Variants in KAZN observed in about 807,000 individuals in gnomAD.
KAZN encodes the protein kazrin, periplakin interacting protein, also known as kazrin.
In KAZN, 40 loss-of-function variants were observed where a neutral mutation model predicts 87.4. The ratio of observed to expected loss-of-function variants is 0.46; its 90% confidence interval spans 0.36 to 0.60. The LOEUF is 0.60. KAZN is among the 20% of genes least tolerant of loss of function. The pLI, the probability that KAZN is intolerant of heterozygous loss-of-function variation, is 0.00. For synonymous variants in KAZN, 466 were observed against 458.3 expected (o/e 1.02, Z -0.22); for missense variants, 898 against 1,073.9 (o/e 0.84, Z 2.29).
intron 2 of KAZN, among the ~76,000 whole-genome samples, chr1:14,352,042 C>A (rs1213484566): frequency 6.6e-6 from 1 of 152,192 alleles, no homozygotes; most frequent in Non-Finnish European, 1.5e-5. Flanking sequence ...TAGCATTTTA[C>A]AAACACGTGT....
chr1:14,155,582 T>C (rs1557520955), intron 1 of KAZN, among the ~76,000 whole-genome samples: 1 of 152,206 alleles, frequency 6.6e-6, no homozygotes. Flanking sequence ...TGGGGTTTGG[T>C]TTGCTCTTCC....
At chr1:14,432,029 A>G (rs1057221416) in intron 2 of KAZN, among the ~76,000 whole-genome samples, 3 of 152,134 alleles carry the variant, frequency 2.0e-5, no homozygotes, top group Non-Finnish European at 2.9e-5. Context: ...GGAACCAAAC[A>G]TGGTGTGAAG....
intron 2 of KAZN, among the ~76,000 whole-genome samples, chr1:14,472,644 C>CTTT (rs796277890): frequency 1.4e-5 from 2 of 140,756 alleles, no homozygotes; most frequent in Admixed American, 1.4e-4. Context: ...AAAGAAGCTT[C>CTTT]TTTTTTTTTT....
intron 1 of KAZN, among the ~76,000 whole-genome samples, chr1:14,952,344 G>C (rs1286117050): frequency 6.6e-6 from 1 of 151,786 alleles, no homozygotes; most frequent in Non-Finnish European, 1.5e-5. Context: ...CCACCAAGAT[G>C]GATGGGGTTT....
chr1:14,198,072 T>C (rs1015987612), intron 2 of KAZN, among the ~76,000 whole-genome samples: 5 of 152,154 alleles, frequency 3.3e-5, no homozygotes, highest in African/African-American at 1.2e-4. Flanking sequence ...AACTTACACA[T>C]TGAAATATCA....
chr1:14,902,172 T>C (rs1371173654), intron 1 of KAZN, among the ~76,000 whole-genome samples: 1 of 151,978 alleles, frequency 6.6e-6, no homozygotes, highest in Non-Finnish European at 1.5e-5. Context: ...ATTTAAGACA[T>C]GCTTTGATGG....
At chr1:14,286,699 T>A (rs1192104638) in intron 2 of KAZN, among the ~76,000 whole-genome samples, 1 of 152,170 alleles carries the variant, frequency 6.6e-6, no homozygotes, top group Admixed American at 6.5e-5. Flanking sequence ...TTTGTAGACA[T>A]ACCCAGGTCC....
At chr1:14,903,360 A>G (rs1476858236) in intron 1 of KAZN, among the ~76,000 whole-genome samples, 1 of 152,234 alleles carries the variant, frequency 6.6e-6, no homozygotes, top group Non-Finnish European at 1.5e-5. Context: ...AGCCTCAGCC[A>G]CAAGTGCCAA....
At chr1:14,618,860 A>G (rs929332283) in intron 1 of KAZN, among the ~76,000 whole-genome samples, 1 of 152,244 alleles carries the variant, frequency 6.6e-6, no homozygotes, top group African/African-American at 2.4e-5. Flanking sequence ...AGGAAAGGTG[A>G]GGGGTTCCCT....
At chr1:14,278,547 C>T (rs1652581995) in intron 2 of KAZN, among the ~76,000 whole-genome samples, 1 of 152,078 alleles carries the variant, frequency 6.6e-6, no homozygotes, top group Non-Finnish European at 1.5e-5. Flanking sequence ...GCCTCAGCCT[C>T]CCAAAGTGCT....
intron 1 of KAZN, among the ~76,000 whole-genome samples, chr1:14,117,500 G>A (rs1463585003): frequency 6.6e-6 from 1 of 151,988 alleles, no homozygotes; most frequent in Non-Finnish European, 1.5e-5. Flanking sequence ...TTTCTTCCTG[G>A]TCTCAAGTAT....
intron 2 of KAZN, among the ~76,000 whole-genome samples, chr1:14,980,405 G>A (rs1176019159): frequency 6.6e-6 from 1 of 152,166 alleles, no homozygotes; most frequent in African/African-American, 2.4e-5. Flanking sequence ...GCAGGCAGGT[G>A]TGTCAGGCAG....
rs1641562062 is a variant in KAZN, at chr1:14,695,654, C to T, written c.226+96431C>T. 2.0e-5 allele frequency among the ~76,000 whole-genome samples: 3 copies of T among 151,730 alleles called. No individual in the cohort carries two copies. In the South Asian group the frequency reaches 6.3e-4, roughly 32 times the overall value. On this transcript the variant is annotated intron_variant, in intron 1 of 14. Transcript: ENST00000376030. ...TCGAGTAGCTGGGATTACAGGTGTG[C>T]ACCACCATGCCTAGCTAATTTTTGT...
intron 1 of KAZN, among the ~76,000 whole-genome samples, chr1:14,123,608 A>T (rs980739062): frequency 6.6e-6 from 1 of 152,234 alleles, no homozygotes; most frequent in African/African-American, 2.4e-5. Flanking sequence ...CTCATTATGA[A>T]ATAAATAGGC....
intron 1 of KAZN, among the ~76,000 whole-genome samples, chr1:14,821,781 C>T (rs1033412186): frequency 3.3e-5 from 5 of 152,154 alleles, no homozygotes; most frequent in African/African-American, 7.2e-5. Context: ...GCCCCCCAGT[C>T]AACCCTGGAA....
At chr1:14,299,178 G>C (rs917183408) in intron 2 of KAZN, among the ~76,000 whole-genome samples, 2 of 152,162 alleles carry the variant, frequency 1.3e-5, no homozygotes, top group Non-Finnish European at 2.9e-5. Context: ...ACAACCTGGT[G>C]GGGGAAACAG....
At chr1:14,657,077 C>CTTTTT (rs35046893) in intron 1 of KAZN, among the ~76,000 whole-genome samples, 6 of 83,354 alleles carry the variant, frequency 7.2e-5, no homozygotes, top group South Asian at 9.5e-4. Flanking sequence ...AAGAGAGAGG[C>CTTTTT]TTTTTTTTTT....
chr1:14,205,884 CAAAAAAAAAA>C (rs70997121), intron 2 of KAZN, among the ~76,000 whole-genome samples: 1 of 35,220 alleles, frequency 2.8e-5, no homozygotes, highest in Non-Finnish European at 4.4e-5. Flanking sequence ...GACACTGTCT[CAAAAAAAAAA>C]AAAAAAAAAA....
At chr1:14,858,214 C>CTTTTTTCTTTTTCTTTTTTTTTTTT (rs1650388976) in intron 1 of KAZN, among the ~76,000 whole-genome samples, 1 of 117,030 alleles carries the variant, frequency 8.5e-6, no homozygotes, top group African/African-American at 3.4e-5. Context: ...TTTTTCTTTT[C>CTTTTTTCTTTTTCTTTTTTTTTTTT]TTTTTTTTTT....
Sources: gnomAD v4.1 joint callset for allele counts (sites outside exome capture counted in the v4.1 genomes callset) on GRCh38, gnomAD v4.1.1 for gene constraint, MANE v1.5 for transcripts, NCBI Gene and HGNC (gene_info 2026-07-23, HGNC 2026-07-21) for gene names.